The following CLPB variants were observed in gnomAD, a reference collection of about 807,000 sequenced individuals.
CLPB encodes the protein ClpB family mitochondrial disaggregase.
CLPB carries 40 observed loss-of-function variants against 78.4 expected under a neutral mutation model. The ratio of observed to expected loss-of-function variants is 0.51; its 90% CI spans 0.40 to 0.66. The LOEUF (loss-of-function observed/expected upper bound fraction) is 0.66. Ranked by LOEUF, CLPB falls within the 30% of genes least tolerant of loss-of-function variation. The pLI, the probability that CLPB is intolerant of heterozygous loss-of-function variation, is 0.00. For synonymous variants in CLPB, 333 were observed against 348.0 expected (o/e 0.96, Z 0.48); for missense variants, 780 against 886.9 (o/e 0.88, Z 1.53).
intron 4 of CLPB, among the ~76,000 whole-genome samples, chr11:72,366,589 G>A (rs979629575): frequency 2.8e-4 from 43 of 152,074 alleles, no homozygotes; most frequent in African/African-American, 1.0e-3. Flanking sequence ...TTTAAAAAAT[G>A]GGCCAAAGAC....
At chr11:72,414,062 A>G (rs1400146163) in intron 2 of CLPB, among the ~76,000 whole-genome samples, 3 of 152,188 alleles carry the variant, frequency 2.0e-5, no homozygotes, top group Non-Finnish European at 4.4e-5. Context: ...AGAGTGTGCC[A>G]GAAAGGATGG....
At position 72,328,642 on chromosome 11, in the gene CLPB, C is replaced by T. The variant is rs528612925; in HGVS notation, c.873+1065G>A. Among the ~76,000 whole-genome samples, 3 of 152,328 alleles carry T rather than the reference C, an allele frequency of 2.0e-5. No individual in the cohort carries two copies. The South Asian group carries it at 6.2e-4, about 32-fold the overall frequency. On this transcript the variant is annotated intron_variant, in intron 6 of 15. Coordinates refer to ENST00000538039, the MANE Select transcript of CLPB (RefSeq NM_001258392.3). Reference sequence around the variant, plus strand: ...CACACTGAATCATCTCAAGGTACTTCAGCCAATTTGTGGATAACAGACTCC... The same window carrying T: ...CACACTGAATCATCTCAAGGTACTTTAGCCAATTTGTGGATAACAGACTCC...
chr11:72,354,524 A>G, intron 5 of CLPB: 2 of 382,860 alleles, frequency 5.2e-6, no homozygotes, highest in East Asian at 3.7e-5. Context: ...AGTCATCTTC[A>G]GGCACTTGAA....
At chr11:72,377,647 G>T in intron 4 of CLPB, among the ~76,000 whole-genome samples, 1 of 92,824 alleles carries the variant, frequency 1.1e-5, no homozygotes, top group East Asian at 3.5e-4. Context: ...AGAAAGGGAA[G>T]CAAAGGGGAA....
At chr11:72,374,089 C>A (rs1951095927) in intron 4 of CLPB, among the ~76,000 whole-genome samples, 1 of 152,026 alleles carries the variant, frequency 6.6e-6, no homozygotes, top group Non-Finnish European at 1.5e-5. Context: ...TGGCGAGAAT[C>A]CCCTTTACAG....
chr11:72,359,172 G>A (rs746440714), intron 4 of CLPB, 164 bp from the exon 5 acceptor site: 29 of 956,818 alleles, frequency 3.0e-5, no homozygotes, highest in Middle Eastern at 2.1e-4. Context: ...GTAAGAAGAG[G>A]CAAAACAGAG....
In CLPB at chr11:72,403,602, G is replaced by C. The variant is rs145991214; in HGVS notation, c.456-550C>G. On this transcript the variant is annotated intron_variant, in intron 2 of 15. Transcript: ENST00000538039. ...ACATGTCTTATCTAGGTAGTTCTCA[G>C]TTCACAAAATGATCATATTCCTCAA... Among the ~76,000 whole-genome samples the C allele has an allele frequency of 6.0e-3, 910 of 152,190 alleles. 13 individuals are homozygous for C. The highest frequency in any genetic ancestry group is 0.021 in the African/African-American group (871 of 41,484).
chr11:72,301,729 C>G, intron 11 of CLPB, 74 bp downstream of exon 11: 1 of 1,510,466 alleles, frequency 6.6e-7, no homozygotes, highest in Admixed American at 1.9e-5. Context: ...CCTCTGGGCC[C>G]TTGCTTTCTG....
chr11:72,401,334 G>A (rs1256045349), intron 3 of CLPB, among the ~76,000 whole-genome samples: 2 of 152,196 alleles, frequency 1.3e-5, no homozygotes, highest in Admixed American at 6.5e-5. Context: ...CCAGCTACTC[G>A]GGAGGCTGAG....
intron 8 of CLPB, among the ~76,000 whole-genome samples, chr11:72,308,109 C>T (rs1052873068): frequency 2.0e-5 from 3 of 152,232 alleles, no homozygotes; most frequent in South Asian, 2.1e-4. Flanking sequence ...TTGCTATCCA[C>T]CTGGCACCAT....
At chr11:72,319,798 C>A (rs1950012554) in intron 6 of CLPB, among the ~76,000 whole-genome samples, 1 of 152,212 alleles carries the variant, frequency 6.6e-6, no homozygotes, top group African/African-American at 2.4e-5. Context: ...TTCTACCTAA[C>A]CCTTATTAAA....
At chr11:72,294,497 G>C (rs1462149656) in intron 13 of CLPB, 53 bp from the exon 14 acceptor site, 1 of 1,612,476 alleles carries the variant, frequency 6.2e-7, no homozygotes, top group African/African-American at 1.3e-5. Flanking sequence ...AGCGGGTTAG[G>C]GAAATTACCA....
chr11:72,363,843 G>A lies in CLPB; in HGVS notation c.647-4835C>T, dbSNP rs557880566. Reference sequence around the variant, plus strand: ...CCCAAGCCTCATATAACTCAGGGTCGGTTGATACCAGCTGAAGCTCAGGGA... The same window carrying A: ...CCCAAGCCTCATATAACTCAGGGTCAGTTGATACCAGCTGAAGCTCAGGGA... On this transcript the variant is annotated intron_variant, in intron 4 of 15. Transcript: ENST00000538039. Among the ~76,000 whole-genome samples the A allele has an allele frequency of 9.9e-5, 15 of 152,252 alleles. No individual in the cohort carries two copies. In the South Asian group the frequency reaches 2.9e-3, roughly 29 times the overall value.
chr11:72,343,454 G>A (rs1950457685), intron 5 of CLPB, among the ~76,000 whole-genome samples: 1 of 152,138 alleles, frequency 6.6e-6, no homozygotes, highest in African/African-American at 2.4e-5. Flanking sequence ...CAAGGCTGAA[G>A]GAATTACTCA....
chr11:72,359,127 A>C, intron 4 of CLPB, 119 bp from the exon 5 acceptor site: 6 of 1,472,570 alleles, frequency 4.1e-6, no homozygotes, highest in South Asian at 1.1e-5. Context: ...TAAGCATAAA[A>C]TGGCACCTAC....
chr11:72,332,433 G>C (rs58106576), intron 5 of CLPB, among the ~76,000 whole-genome samples: 4,716 of 152,162 alleles, frequency 0.031, 196 homozygotes, highest in African/African-American at 0.095. Context: ...GGGCTGCAGT[G>C]AGCTGGGATC....
intron 5 of CLPB, among the ~76,000 whole-genome samples, chr11:72,340,774 T>C (rs184188681): frequency 6.6e-6 from 1 of 152,336 alleles, no homozygotes; most frequent in African/African-American, 2.4e-5. Context: ...TGGTGAACCT[T>C]GGTTGTTACT....
chr11:72,429,311 C>A (rs540789907), intron 2 of CLPB, among the ~76,000 whole-genome samples: 88 of 152,256 alleles, frequency 5.8e-4, no homozygotes, highest in African/African-American at 2.1e-3. Context: ...CATTAATACC[C>A]AAAAGCACCC....
chr11:72,396,079 T>C (rs1855397322), intron 3 of CLPB, among the ~76,000 whole-genome samples: 1 of 152,146 alleles, frequency 6.6e-6, no homozygotes, highest in Non-Finnish European at 1.5e-5. Flanking sequence ...AATAAATGAC[T>C]GCTGTGAGAG....
Sources: allele counts gnomAD v4.1 joint callset (sites outside exome capture counted in the v4.1 genomes callset), GRCh38; gene constraint gnomAD v4.1.1; transcripts MANE v1.5; gene names NCBI Gene and HGNC (gene_info 2026-07-23, HGNC 2026-07-21).